Variants in AOAH observed in about 807,000 individuals in gnomAD.
AOAH encodes acyloxyacyl hydrolase.
AOAH carries 64 observed loss-of-function variants against 92.2 expected under a neutral mutation model. The ratio of observed to expected loss-of-function variants is 0.69; its 90% CI spans 0.57 to 0.86. The LOEUF is 0.86. AOAH is among the 40% of genes least tolerant of loss of function. The pLI is 0.00. For missense variants in AOAH, 656 were observed against 694.6 expected, an observed-to-expected ratio of 0.94 and a Z score of 0.62; for synonymous variants, 263 against 254.5, an observed-to-expected ratio of 1.03 and a Z score of -0.32.
intron 18 of AOAH, among the ~76,000 whole-genome samples, chr7:36,531,112 C>A (rs1372709698): frequency 6.6e-6 from 1 of 152,122 alleles, no homozygotes; most frequent in Non-Finnish European, 1.5e-5. Context: ...GAGAAACAAT[C>A]TATGAACATT....
chr7:36,630,733 G>T (rs1280051723), intron 6 of AOAH, among the ~76,000 whole-genome samples: 1 of 152,116 alleles, frequency 6.6e-6, no homozygotes, highest in Non-Finnish European at 1.5e-5. Context: ...AGGCTCAGAG[G>T]CTCAGAGACA....
chr7:36,675,249 TC>T (rs1251739427), intron 2 of AOAH, among the ~76,000 whole-genome samples: 1 of 152,188 alleles, frequency 6.6e-6, no homozygotes, highest in African/African-American at 2.4e-5. Flanking sequence ...AGAGTGAAAC[TC>T]CGTCTCAAAT....
At chr7:36,535,024 C>A (rs376307068) in intron 16 of AOAH, among the ~76,000 whole-genome samples, 1 of 145,024 alleles carries the variant, frequency 6.9e-6, no homozygotes, top group East Asian at 2.0e-4. Context: ...GTGTCTGTGT[C>A]TGTGTGTGTG....
intron 11 of AOAH, among the ~76,000 whole-genome samples, chr7:36,608,059 A>G (rs778238731): frequency 3.9e-5 from 6 of 152,194 alleles, no homozygotes; most frequent in Non-Finnish European, 5.9e-5. Context: ...CAGGATGTCC[A>G]GTGGCCCAGG....
In AOAH at chr7:36,536,020, G is replaced by A. The variant is rs144184698; in HGVS notation, c.1307-3676C>T. Reference sequence around the variant, plus strand: ...GCCCCAGCCCTTGGCAGCCAGCGACGGACTGGGTAGTGAGTCACAAACCTG... The same window carrying A: ...GCCCCAGCCCTTGGCAGCCAGCGACAGACTGGGTAGTGAGTCACAAACCTG... On this transcript the variant is annotated intron_variant, in intron 16 of 20. Transcript: ENST00000617537. Among the ~76,000 whole-genome samples the A allele has an allele frequency of 2.6e-5, 4 of 152,276 alleles. No individual in the cohort carries two copies. The East Asian group carries it at 5.8e-4, about 22-fold the overall frequency.
chr7:36,685,458 G>A (rs558689976), intron 2 of AOAH, among the ~76,000 whole-genome samples: 1 of 152,242 alleles, frequency 6.6e-6, no homozygotes, highest in African/African-American at 2.4e-5. Flanking sequence ...TGTTTCCTAG[G>A]GCATTCATCT....
rs80213196 is a variant in AOAH at position 36,615,320 on chromosome 7, A to T, written c.846+1060T>A. Among the ~76,000 whole-genome samples, 286 of 152,348 alleles carry T rather than the reference A, an allele frequency of 1.9e-3. 1 individual carries two copies. Among genetic ancestry groups the T allele is most frequent in the African/African-American group, 6.7e-3 (280 of 41,576 alleles). On this transcript the variant is annotated intron_variant, in intron 11 of 20. Transcript: ENST00000617537. ...AATGACATTAAATAGCAAATAAGAA[A>T]ATACCATGACATATTGAGGGAGACT... is the stretch of plus-strand genomic sequence containing the variant.
intron 20 of AOAH, 141 bp from the exon 21 acceptor site, chr7:36,513,521 C>T: frequency 1.3e-6 from 1 of 786,156 alleles, no homozygotes; most frequent in Non-Finnish European, 2.0e-6. Context: ...GTATAACCTC[C>T]TTCCCTTGCT....
chr7:36,561,575 A>T (rs755174123), intron 13 of AOAH, among the ~76,000 whole-genome samples: 1 of 149,410 alleles, frequency 6.7e-6, no homozygotes, highest in Non-Finnish European at 1.5e-5. Context: ...TGGCACACGC[A>T]TCGGCTGGGC....
chr7:36,540,103 G>T (rs570143307), intron 16 of AOAH, among the ~76,000 whole-genome samples: 2 of 152,262 alleles, frequency 1.3e-5, no homozygotes, highest in South Asian at 4.2e-4. Context: ...AATTCTTCAT[G>T]AATTACTTCT....
chr7:36,694,814 G>A (rs914812041), intron 1 of AOAH, among the ~76,000 whole-genome samples: 3 of 152,160 alleles, frequency 2.0e-5, no homozygotes, highest in African/African-American at 7.2e-5. Flanking sequence ...AAAAGATATA[G>A]AGAATGGGAT....
At chr7:36,560,968 A>C (rs1787216333) in intron 13 of AOAH, among the ~76,000 whole-genome samples, 1 of 151,988 alleles carries the variant, frequency 6.6e-6, no homozygotes, top group African/African-American at 2.4e-5. Flanking sequence ...GGATTAACAG[A>C]TGAGGTGGAC....
Position 36,552,559 on chromosome 7 carries a change from A to G in AOAH, c.1022-3084T>C, listed in dbSNP as rs149119029. Among the ~76,000 whole-genome samples the G allele has an allele frequency of 3.7e-4, 56 of 152,246 alleles. 1 individual carries two copies. Among genetic ancestry groups the G allele is most frequent in the African/African-American group, 1.2e-3 (51 of 41,536 alleles). The stretch of plus-strand genomic sequence containing the variant: ...GGGTCAAATGGTATTTCTGGTTCTA[A>G]ATCTTTGAGGAAGTGCCACACTGTC... On this transcript the variant is annotated intron_variant, in intron 13 of 20. Coordinates refer to ENST00000617537, the MANE Select transcript of AOAH (RefSeq NM_001637.4).
chr7:36,560,454 T>C (rs940605045), intron 13 of AOAH, among the ~76,000 whole-genome samples: 1 of 152,226 alleles, frequency 6.6e-6, no homozygotes, highest in Admixed American at 6.5e-5. Context: ...TTTGACCTCC[T>C]TGGTTAGATG....
At chr7:36,632,800 C>T (rs1793223371) in intron 5 of AOAH, among the ~76,000 whole-genome samples, 1 of 152,336 alleles carries the variant, frequency 6.6e-6, no homozygotes, top group African/African-American at 2.4e-5. Flanking sequence ...CTGAGTCCTT[C>T]GAATGGCTAT....
intron 6 of AOAH, among the ~76,000 whole-genome samples, chr7:36,630,824 C>G (rs1793021752): frequency 6.6e-6 from 1 of 152,176 alleles, no homozygotes; most frequent in African/African-American, 2.4e-5. Flanking sequence ...CCAAAGAACA[C>G]ATGAGATCAA....
intron 13 of AOAH, among the ~76,000 whole-genome samples, chr7:36,555,135 T>A (rs1786603769): frequency 6.7e-6 from 1 of 149,568 alleles, no homozygotes; most frequent in Non-Finnish European, 1.5e-5. Context: ...CATAGATAGC[T>A]CTTATTATTT....
At chr7:36,626,843 T>C (rs1792699682) in intron 6 of AOAH, among the ~76,000 whole-genome samples, 1 of 152,178 alleles carries the variant, frequency 6.6e-6, no homozygotes, top group South Asian at 2.1e-4. Flanking sequence ...GGTCTTTAGC[T>C]CCTGACCTTA....
intron 2 of AOAH, 116 bp from the exon 3 acceptor site, chr7:36,674,125 T>A: frequency 1.6e-6 from 1 of 638,848 alleles, no homozygotes. Context: ...ATGATTAATT[T>A]AATTTTAAGG....
Sources: gnomAD v4.1 joint callset for allele counts (sites outside exome capture counted in the v4.1 genomes callset) on GRCh38, gnomAD v4.1.1 for gene constraint, MANE v1.5 for transcripts, NCBI Gene and HGNC (gene_info 2026-07-23, HGNC 2026-07-21) for gene names.